Variants in RANBP3 observed in about 807,000 individuals in gnomAD.
RANBP3 encodes the protein ran-binding protein 3.
Under a neutral mutation model 77.3 loss-of-function variants are expected in RANBP3, and 14 were observed. The ratio of observed to expected loss-of-function variants is 0.18; its 90% CI spans 0.12 to 0.28. The LOEUF is 0.28. Ranked by LOEUF, RANBP3 falls within the 10% of genes least tolerant of loss-of-function variation. The pLI is 1.00. For missense variants in RANBP3, 586 were observed against 752.3 expected (o/e 0.78, Z 2.59); for synonymous variants, 315 against 312.4 (o/e 1.01, Z -0.09).
intron 10 of RANBP3, 62 bp downstream of exon 10, chr19:5,925,572 A>G: frequency 6.8e-7 from 1 of 1,465,272 alleles, no homozygotes; most frequent in Non-Finnish European, 9.5e-7. Flanking sequence ...CCTCTCTGGC[A>G]GAAGCCCTCG....
chr19:5,963,174 C>T (rs1042767916), intron 1 of RANBP3, among the ~76,000 whole-genome samples: 7 of 152,130 alleles, frequency 4.6e-5, no homozygotes, highest in Non-Finnish European at 5.9e-5. Flanking sequence ...GTTTTTGGTC[C>T]TGTAACATGC....
intron 1 of RANBP3, among the ~76,000 whole-genome samples, chr19:5,962,410 A>G (rs887632213): frequency 6.6e-6 from 1 of 151,756 alleles, no homozygotes; most frequent in Non-Finnish European, 1.5e-5. Flanking sequence ...AAGTTCTAGA[A>G]AGTGGGGCCT....
rs2057879933 is a variant in RANBP3 at position 5,924,859 on chromosome 19, C to T, written c.964G>A (p.Val322Ile). Reference protein sequence around the residue: ...NSADASSNKFVFGQNMSERVL... With the variant: ...NSADASSNKFIFGQNMSERVL... Reference sequence around the variant, plus strand: ...CGCTCGCTCATGTTCTGGCCAAATACAAATTTGTTGCTGGAGGCGTCGGCA... The same window carrying T: ...CGCTCGCTCATGTTCTGGCCAAATATAAATTTGTTGCTGGAGGCGTCGGCA... The change falls in exon 11 of 17, where the codon GTA becomes ATA. Residue 322 changes from valine (V) to isoleucine (I), a missense_variant. Val to Ile is a conservative substitution (Grantham distance 29, BLOSUM62 3). Transcript: ENST00000340578. The surrounding 1 kb of genome is among the most constrained non-coding windows in gnomAD (Gnocchi z 4.7). 2 of 1,614,128 alleles carry T rather than the reference C, an allele frequency of 1.2e-6. No individual in the cohort carries two copies. The highest frequency in any genetic ancestry group is 3.3e-5 in the Admixed American group (2 of 60,012).
intron 1 of RANBP3, among the ~76,000 whole-genome samples, chr19:5,961,603 G>A (rs751879556): frequency 1.1e-4 from 16 of 152,164 alleles, no homozygotes; most frequent in Middle Eastern, 3.4e-3. Context: ...GCGTGGTGGC[G>A]CAACCTGTAA....
intron 3 of RANBP3, chr19:5,950,890 A>G (rs2058266150): frequency 6.2e-6 from 1 of 161,812 alleles, no homozygotes; most frequent in Non-Finnish European, 1.4e-5. Flanking sequence ...GATTGAAGAC[A>G]ATCAGTTCAC....
chr19:5,969,689 C>T (rs2058508642), intron 1 of RANBP3, among the ~76,000 whole-genome samples: 1 of 152,248 alleles, frequency 6.6e-6, no homozygotes, highest in African/African-American at 2.4e-5. Context: ...GCGCACTGGC[C>T]CTAGCCAGCC....
chr19:5,925,508 G>T, intron 10 of RANBP3, 126 bp downstream of exon 10: 1 of 781,726 alleles, frequency 1.3e-6, no homozygotes, highest in Non-Finnish European at 2.2e-6. Flanking sequence ...GAGAGAGAGG[G>T]GCCTGAGAGC....
chr19:5,961,172 G>A (rs377459486), intron 1 of RANBP3, among the ~76,000 whole-genome samples: 174 of 146,518 alleles, frequency 1.2e-3, no homozygotes, highest in African/African-American at 3.6e-3. Context: ...GGCCGGGCGC[G>A]GTGGCTCACA....
At chr19:5,927,108 G>A (rs570402923) in intron 9 of RANBP3, among the ~76,000 whole-genome samples, 18 of 152,190 alleles carry the variant, frequency 1.2e-4, no homozygotes, top group African/African-American at 3.1e-4. Context: ...ACCGCCTCTC[G>A]AGCTTTGAAA....
chr19:5,948,096 G>A (rs554507766), intron 3 of RANBP3, among the ~76,000 whole-genome samples: 2 of 152,336 alleles, frequency 1.3e-5, no homozygotes, highest in Non-Finnish European at 2.9e-5. Context: ...AAGCAGGAAG[G>A]AATGGCACTG....
At chr19:5,947,786 C>T (rs369823640) in intron 3 of RANBP3, among the ~76,000 whole-genome samples, 6 of 152,310 alleles carry the variant, frequency 3.9e-5, no homozygotes, top group East Asian at 1.9e-4. Flanking sequence ...TCCCCACCGG[C>T]AGCCATAGGG....
chr19:5,937,088 A>C (rs1599745791), intron 5 of RANBP3, among the ~76,000 whole-genome samples: 1 of 145,438 alleles, frequency 6.9e-6, no homozygotes, highest in South Asian at 2.2e-4. Context: ...AAAAAAAGGA[A>C]GAAAATCCCA....
At chr19:5,976,936 G>T (rs769038977) in intron 1 of RANBP3, among the ~76,000 whole-genome samples, 1 of 152,180 alleles carries the variant, frequency 6.6e-6, no homozygotes. Context: ...ACACGCCTTG[G>T]ATAAGCGACT....
At chr19:5,918,156 G>C (rs973964407) in intron 15 of RANBP3, among the ~76,000 whole-genome samples, 176 bp from the exon 16 acceptor site, 3 of 152,218 alleles carry the variant, frequency 2.0e-5, no homozygotes, top group East Asian at 1.9e-4. Context: ...ACCACTCCCA[G>C]GTGGCTGGGA....
At chr19:5,932,975 G>A (rs139243143) in intron 6 of RANBP3, 1 of 269,956 alleles carries the variant, frequency 3.7e-6, no homozygotes, top group South Asian at 4.8e-5. Flanking sequence ...ATGGGACAAG[G>A]ACCCTTGCAT....
Position 5,921,567 on chromosome 19 carries a change from C to T in RANBP3, c.1210-246G>A, listed in dbSNP as rs988571155. ...AAAACAACGGTGAGAAGCCTCTCTG[C>T]GCACTCTAGGACGGCTATACCCATG... is the stretch of plus-strand genomic sequence containing the variant. On this transcript the variant is annotated intron_variant, in intron 13 of 16. Coordinates refer to ENST00000340578, the MANE Select transcript of RANBP3 (RefSeq NM_007322.3). The surrounding 1 kb of genome is among the most constrained non-coding windows in gnomAD (Gnocchi z 5.3). Among the ~76,000 whole-genome samples, 16 of 152,212 alleles carry T rather than the reference C, an allele frequency of 1.1e-4. No homozygotes were observed. The highest frequency in any genetic ancestry group is 2.2e-4 in the Non-Finnish European group (15 of 68,030).
chr19:5,927,051 C>T (rs1174537714), intron 9 of RANBP3, among the ~76,000 whole-genome samples: 1 of 152,114 alleles, frequency 6.6e-6, no homozygotes, highest in African/African-American at 2.4e-5. Context: ...TCCAGAAGTA[C>T]CTCCCAGTTG....
intron 8 of RANBP3, among the ~76,000 whole-genome samples, chr19:5,929,575 C>CTG (rs971987916): frequency 6.6e-5 from 10 of 152,320 alleles, no homozygotes; most frequent in African/African-American, 2.2e-4. Flanking sequence ...GTCTGAGACT[C>CTG]TGTGTGTGTG....
At chr19:5,950,051 A>G (rs1285638697) in intron 3 of RANBP3, among the ~76,000 whole-genome samples, 1 of 152,192 alleles carries the variant, frequency 6.6e-6, no homozygotes, top group African/African-American at 2.4e-5. Flanking sequence ...TGAAGACGGA[A>G]ACCTGAGAAC....
Sources: gnomAD v4.1 joint callset for allele counts (sites outside exome capture counted in the v4.1 genomes callset) on GRCh38, gnomAD v4.1.1 for gene constraint, Gnocchi (gnomAD v3.1) non-coding constraint, MANE v1.5 for transcripts, NCBI Gene and HGNC (gene_info 2026-07-23, HGNC 2026-07-21) for gene names.